The following OR2T12 variants were observed in gnomAD, a reference collection of about 807,000 sequenced individuals.
The protein encoded by OR2T12 is olfactory receptor 2T12.
For synonymous variants in OR2T12, 127 were observed against 160.5 expected, an observed-to-expected ratio of 0.79 and a Z score of 1.58; for missense variants, 335 against 404.3, an observed-to-expected ratio of 0.83 and a Z score of 1.47.
chr1:248,293,321 T>C lies in OR2T12; in HGVS notation c.*1295A>G, dbSNP rs759540804. 3 of 152,134 alleles carry C rather than the reference T, an allele frequency of 2.0e-5. No individual in the cohort carries two copies. The highest frequency in any genetic ancestry group is 2.9e-5 in the Non-Finnish European group (2 of 67,994). The allele number at this position is 152,134 out of a possible 1,614,324, so 9.4% of individuals were successfully genotyped here. ...GCGGGTTAACTTTCAGACACTTATA[T>C]TGAAGATACATTGTCCCTGGAAGCT... On this transcript the variant is annotated 3_prime_UTR_variant, in exon 3 of 3. Coordinates refer to ENST00000641276, the MANE Select transcript of OR2T12 (RefSeq NM_001004692.2).
chr1:248,295,709 G>C (rs1572830792), intron 2 of OR2T12, 123 bp from the exon 3 acceptor site: 22 of 1,313,750 alleles, frequency 1.7e-5, no homozygotes, highest in Non-Finnish European at 2.3e-5. Flanking sequence ...GTGATTCAAA[G>C]CCCTGACTCC....
intron 2 of OR2T12, among the ~76,000 whole-genome samples, chr1:248,298,294 G>T (rs372274934): frequency 1.3e-5 from 2 of 152,140 alleles, no homozygotes; most frequent in African/African-American, 2.4e-5. Flanking sequence ...TTCATCAAGG[G>T]TATTGGTCTA....
rs773607222 is a variant in OR2T12 at position 248,294,907 on chromosome 1, C to A, written c.672G>T (p.Leu224=). The A allele has an allele frequency of 1.2e-6, 2 of 1,611,738 alleles. No homozygotes were observed. Among genetic ancestry groups the A allele is most frequent in the Non-Finnish European group, 1.7e-6 (2 of 1,179,852 alleles). ...TGCGGGCTTCTGTAGAGCGCATGAG[C>A]AGAACAGCAGCGAGGATGAGACCAT... is the stretch of plus-strand genomic sequence containing the variant. ...SSYGLILAAV[L]LMRSTEARKK... is the part of the protein sequence containing the mutation. The change falls in exon 3 of 3, where the codon CTG becomes CTT. Residue 224 remains leucine (L), a synonymous_variant. Coordinates refer to ENST00000641276, the MANE Select transcript of OR2T12 (RefSeq NM_001004692.2).
At chr1:248,298,893 G>A (rs536089634) in intron 2 of OR2T12, among the ~76,000 whole-genome samples, 2 of 152,012 alleles carry the variant, frequency 1.3e-5, no homozygotes, top group Admixed American at 1.3e-4. Context: ...CCTTCTGCTA[G>A]CTTTTGAATT....
chr1:248,296,969 G>C (rs545497697), intron 2 of OR2T12, among the ~76,000 whole-genome samples: 5 of 152,244 alleles, frequency 3.3e-5, no homozygotes, highest in Non-Finnish European at 7.4e-5. Flanking sequence ...TTTTCTTCTA[G>C]GGTTTTTATG....
rs987862705 is a variant in OR2T12 at position 248,292,277 on chromosome 1, A to G, written c.*2339T>C. The G allele has an allele frequency of 2.0e-5, 3 of 152,152 alleles. No homozygotes were observed. Among genetic ancestry groups the G allele is most frequent in the Admixed American group, 6.5e-5 (1 of 15,270 alleles). 9.4% of individuals were successfully genotyped at this position (152,152 alleles called of 1,614,324 possible). ...CAAAGCCTCATCTTGATTCTGTGTT[A>G]CTGGGTGCTAGAGCTTCATATGTTC... On this transcript the variant is annotated 3_prime_UTR_variant, in exon 3 of 3. Transcript: ENST00000641276.
chr1:248,299,610 A>C (rs959992205), intron 2 of OR2T12, among the ~76,000 whole-genome samples: 4 of 152,214 alleles, frequency 2.6e-5, no homozygotes, highest in African/African-American at 7.2e-5. Flanking sequence ...CCCACTGTCA[A>C]CATTAGACAG....
intron 1 of OR2T12, among the ~76,000 whole-genome samples, chr1:248,301,875 T>C (rs1362816728): frequency 1.3e-5 from 2 of 152,070 alleles, no homozygotes; most frequent in East Asian, 3.9e-4. Flanking sequence ...GAGCAATATA[T>C]TGTAACACAA....
intron 2 of OR2T12, among the ~76,000 whole-genome samples, chr1:248,298,428 A>G (rs1159101477): frequency 6.6e-6 from 1 of 152,192 alleles, no homozygotes; most frequent in Non-Finnish European, 1.5e-5. Context: ...AAGGAATGGT[A>G]CAAGTTCCTC....
At chr1:248,298,778 T>G (rs2103039229) in intron 2 of OR2T12, among the ~76,000 whole-genome samples, 1 of 151,682 alleles carries the variant, frequency 6.6e-6, no homozygotes. Context: ...GTCTATCAAT[T>G]TTGTTGATCC....
rs1659650724 is a variant in OR2T12 at position 248,292,799 on chromosome 1, T to C, written c.*1817A>G. 1 of 152,098 alleles carries C rather than the reference T, an allele frequency of 6.6e-6. No individual in the cohort carries two copies. 9.4% of individuals were successfully genotyped at this position (152,098 alleles called of 1,614,324 possible). On this transcript the variant is annotated 3_prime_UTR_variant, in exon 3 of 3. Coordinates refer to ENST00000641276, the MANE Select transcript of OR2T12 (RefSeq NM_001004692.2). ...TTAGTTTTCTCCTGAACATTAGGCT[T>C]AATTTTCTGGTTAGAATATTTTATC...
rs1188609832 is a variant in OR2T12, at chr1:248,294,277, C to A, written c.*339G>T. ...AACAACCTTATACATTATTGGGTTA[C>A]CTTACTTCTCCCAAGGCATAGGTAA... On this transcript the variant is annotated 3_prime_UTR_variant, in exon 3 of 3. Coordinates refer to ENST00000641276, the MANE Select transcript of OR2T12 (RefSeq NM_001004692.2). 6 of 203,518 alleles carry A rather than the reference C, an allele frequency of 2.9e-5. No homozygotes were observed. Among genetic ancestry groups the A allele is most frequent in the South Asian group, 9.8e-5 (1 of 10,238 alleles). The allele number at this position is 203,518 out of a possible 1,614,324, so 12.6% of individuals were successfully genotyped here. A position where few individuals can be genotyped will look rare whatever the true frequency, so the allele number is the denominator to read the frequency against.
At chr1:248,298,106 A>C (rs893898757) in intron 2 of OR2T12, among the ~76,000 whole-genome samples, 1 of 152,138 alleles carries the variant, frequency 6.6e-6, no homozygotes, top group African/African-American at 2.4e-5. Context: ...CTATTGACAT[A>C]ATCATGTGGT....
intron 2 of OR2T12, among the ~76,000 whole-genome samples, chr1:248,296,027 C>A (rs753236297): frequency 6.7e-6 from 1 of 148,638 alleles, no homozygotes; most frequent in Non-Finnish European, 1.5e-5. Flanking sequence ...ACAACAGTCC[C>A]GAGAGTGTGA....
chr1:248,299,088 A>G (rs1052458877), intron 2 of OR2T12, among the ~76,000 whole-genome samples: 2 of 152,238 alleles, frequency 1.3e-5, no homozygotes, highest in Admixed American at 6.5e-5. Context: ...ATCATGCCAA[A>G]TTGTAAAGAC....
intron 1 of OR2T12, among the ~76,000 whole-genome samples, chr1:248,302,185 A>G (rs1041711584): frequency 1.3e-5 from 2 of 152,086 alleles, no homozygotes; most frequent in East Asian, 3.8e-4. Context: ...AAAGCAACAA[A>G]TCTCTCATAT....
chr1:248,300,728 G>A (rs936111214), intron 2 of OR2T12, among the ~76,000 whole-genome samples: 8 of 152,054 alleles, frequency 5.3e-5, no homozygotes, highest in East Asian at 1.9e-4. Context: ...CAAATAAAAC[G>A]GTATTACCTC....
In OR2T12 at chr1:248,294,447, A is replaced by C. The variant is rs41308190; in HGVS notation, c.*169T>G. 27,637 of 822,794 alleles carry C rather than the reference A, an allele frequency of 0.034. 592 individuals are homozygous for C. The highest frequency in any genetic ancestry group is 0.045 in the Non-Finnish European group (23,879 of 534,432). 51.0% of individuals were successfully genotyped at this position (822,794 alleles called of 1,614,324 possible). On this transcript the variant is annotated 3_prime_UTR_variant, in exon 3 of 3. Coordinates refer to ENST00000641276, the MANE Select transcript of OR2T12 (RefSeq NM_001004692.2). Reference sequence around the variant, plus strand: ...ACTTCACTTGAAGAAAAGTACATAAATGCTCAAAAATGGTATCTGTCAATA... The same window carrying C: ...ACTTCACTTGAAGAAAAGTACATAACTGCTCAAAAATGGTATCTGTCAATA...
intron 2 of OR2T12, among the ~76,000 whole-genome samples, chr1:248,295,838 A>T (rs183291643): frequency 0.02 from 2,969 of 150,672 alleles, 81 homozygotes; most frequent in African/African-American, 0.067. Flanking sequence ...ATGAATAAAA[A>T]TTTTTTTTTT....
Sources: gnomAD v4.1 joint callset for allele counts (sites outside exome capture counted in the v4.1 genomes callset) on GRCh38, gnomAD v4.1.1 for gene constraint, MANE v1.5 for transcripts, NCBI Gene and HGNC (gene_info 2026-07-23, HGNC 2026-07-21) for gene names.